Variants in CMTM7 observed in about 807,000 individuals in gnomAD.
CMTM7 encodes the protein CKLF like MARVEL transmembrane domain containing 7.
In CMTM7, 7 loss-of-function variants were observed where a neutral mutation model predicts 19.3. That is an observed-to-expected ratio of 0.36 (90% CI 0.21 to 0.68). The LOEUF (loss-of-function observed/expected upper bound fraction) is 0.68, where lower values mean the gene tolerates loss of function less well. Among genes scored for constraint, CMTM7 ranks in the 30% least tolerant of loss-of-function variants. The probability of loss-of-function intolerance (pLI) is 0.60; values close to 1 mark genes in which losing one functional copy is unlikely to be tolerated. For missense variants in CMTM7, 193 were observed against 232.6 expected (o/e 0.83, Z 1.11); for synonymous variants, 87 against 99.3 (o/e 0.88, Z 0.74).
chr3:32,452,411 C>T lies in CMTM7; in HGVS notation c.452C>T (p.Thr151Ile). 6.2e-7 allele frequency: 1 copy of T among 1,614,186 alleles called. No homozygotes were observed. Among genetic ancestry groups the T allele is most frequent in the Non-Finnish European group, 8.5e-7 (1 of 1,180,040 alleles). ...VAGAIFGFMA[T>I]FLCMASIWLS... ...CTGCAGATCTTTGGTTTCATGGCCA[C>T]CTTCCTCTGCATGGCAAGCATATGG... Residue 151 changes from threonine to isoleucine, a missense_variant, in exon 4 of 5, where the codon ACC becomes ATC. Transcript: ENST00000334983.
At chr3:32,393,235 G>A (rs1279010355) in intron 1 of CMTM7, among the ~76,000 whole-genome samples, 2 of 152,202 alleles carry the variant, frequency 1.3e-5, no homozygotes, top group East Asian at 3.9e-4. Flanking sequence ...GAGAAGGGGC[G>A]CTGAGTTCCT....
At chr3:32,407,667 A>AG (rs1048834177) in intron 1 of CMTM7, among the ~76,000 whole-genome samples, 1 of 152,160 alleles carries the variant, frequency 6.6e-6, no homozygotes, top group African/African-American at 2.4e-5. Flanking sequence ...AGGGTTCCTC[A>AG]GTGTCCCCAT....
At chr3:32,427,582 T>C (rs1036159930) in intron 1 of CMTM7, among the ~76,000 whole-genome samples, 4 of 152,330 alleles carry the variant, frequency 2.6e-5, no homozygotes, top group South Asian at 4.1e-4. Flanking sequence ...TTCAGTTCTT[T>C]GGTCACACTA....
intron 3 of CMTM7, among the ~76,000 whole-genome samples, chr3:32,450,433 A>G (rs1352468297): frequency 1.3e-5 from 2 of 152,214 alleles, no homozygotes; most frequent in Non-Finnish European, 2.9e-5. Context: ...CTCTCTCTGT[A>G]TGTGACATTC....
At chr3:32,393,904 C>T (rs1695877480) in intron 1 of CMTM7, among the ~76,000 whole-genome samples, 1 of 152,204 alleles carries the variant, frequency 6.6e-6, no homozygotes, top group South Asian at 2.1e-4. Flanking sequence ...CCTCAGCTAG[C>T]CTCTGGCCTG....
chr3:32,431,787 TAAAA>T (rs1696523682), intron 1 of CMTM7, among the ~76,000 whole-genome samples: 1 of 152,166 alleles, frequency 6.6e-6, no homozygotes, highest in African/African-American at 2.4e-5. Context: ...AGTTTCCACA[TAAAA>T]AGATGATAGT....
intron 1 of CMTM7, among the ~76,000 whole-genome samples, chr3:32,398,154 A>G (rs1439886637): frequency 1.3e-5 from 2 of 152,218 alleles, no homozygotes; most frequent in Non-Finnish European, 2.9e-5. Flanking sequence ...AATTATCTTA[A>G]TCTTCCCACC....
chr3:32,452,247 T>G, intron 3 of CMTM7, 145 bp from the exon 4 acceptor site: 1 of 1,546,464 alleles, frequency 6.5e-7, no homozygotes, highest in Admixed American at 1.9e-5. Context: ...TGATCCAGGA[T>G]GAGGTGGTTG....
At chr3:32,451,825 CT>C (rs1696837374) in intron 3 of CMTM7, 1 of 336,480 alleles carries the variant, frequency 3.0e-6, no homozygotes, top group African/African-American at 2.2e-5. Flanking sequence ...CTGGATGACC[CT>C]GAGAAAGGGA....
Position 32,424,283 on chromosome 3 carries a change from A to T in CMTM7, c.160-17557A>T, listed in dbSNP as rs536275665. Among the ~76,000 whole-genome samples the T allele has an allele frequency of 2.4e-4, 37 of 152,302 alleles. No homozygotes were observed. In the South Asian group the frequency reaches 6.8e-3, roughly 28 times the overall value. On this transcript the variant is annotated intron_variant, in intron 1 of 4. Coordinates refer to ENST00000334983, the MANE Select transcript of CMTM7 (RefSeq NM_138410.4). ...TGGTGCCAGGGTTCCTAGGGCGAGC[A>T]GCCTGAGAGTGCGGACCAGAAAGAA...
chr3:32,431,610 A>C (rs911136737), intron 1 of CMTM7, among the ~76,000 whole-genome samples: 3 of 152,162 alleles, frequency 2.0e-5, no homozygotes, highest in African/African-American at 7.2e-5. Flanking sequence ...CTGAAAACAG[A>C]GGCCAGAAGC....
chr3:32,393,943 A>G (rs1695877846), intron 1 of CMTM7, among the ~76,000 whole-genome samples: 1 of 152,192 alleles, frequency 6.6e-6, no homozygotes, highest in African/African-American at 2.4e-5. Flanking sequence ...GCAAGTGGCA[A>G]GAGTGGGGCC....
At chr3:32,419,018 A>G in intron 1 of CMTM7, among the ~76,000 whole-genome samples, 1 of 152,232 alleles carries the variant, frequency 6.6e-6, no homozygotes, top group East Asian at 1.9e-4. Flanking sequence ...AATTAATAAT[A>G]TCTATGAACA....
intron 1 of CMTM7, among the ~76,000 whole-genome samples, chr3:32,411,649 G>A (rs1451094672): frequency 1.3e-5 from 2 of 152,200 alleles, no homozygotes; most frequent in Non-Finnish European, 2.9e-5. Flanking sequence ...TGGGGGTCAA[G>A]GTGCTCTACT....
chr3:32,397,217 T>A (rs1695931518), intron 1 of CMTM7, among the ~76,000 whole-genome samples: 1 of 152,184 alleles, frequency 6.6e-6, no homozygotes, highest in African/African-American at 2.4e-5. Context: ...AATGCTTGCT[T>A]ATATAGGTTA....
In CMTM7 at chr3:32,454,671, T is replaced by C. The variant is rs1696884322; in HGVS notation, c.*417T>C. 2.8e-6 allele frequency: 1 copy of C among 361,758 alleles called. No homozygotes were observed. The highest frequency in any genetic ancestry group is 5.4e-6 in the Non-Finnish European group (1 of 184,054). The allele number at this position is 361,758 out of a possible 1,614,324, so 22.4% of individuals were successfully genotyped here. On this transcript the variant is annotated 3_prime_UTR_variant, in exon 5 of 5. Transcript: ENST00000334983. ...AAGCCCTGTCCTAATTTATCTAGCTTGTCAGTCCGGTCTTAGAGATACCCT... is the reference window on the plus strand; with the variant it reads ...AAGCCCTGTCCTAATTTATCTAGCTCGTCAGTCCGGTCTTAGAGATACCCT...
At chr3:32,438,110 C>A (rs909284008) in intron 1 of CMTM7, among the ~76,000 whole-genome samples, 7 of 152,166 alleles carry the variant, frequency 4.6e-5, no homozygotes, top group Non-Finnish European at 1.0e-4. Context: ...GAAGTCAGAA[C>A]CCCTACCTCC....
intron 1 of CMTM7, among the ~76,000 whole-genome samples, chr3:32,403,356 G>A (rs932546075): frequency 6.6e-6 from 1 of 152,046 alleles, no homozygotes; most frequent in Non-Finnish European, 1.5e-5. Context: ...TAACAATTGG[G>A]GCTACAGGTG....
intron 1 of CMTM7, among the ~76,000 whole-genome samples, chr3:32,416,075 G>T (rs1250966073): frequency 6.6e-6 from 1 of 152,188 alleles, no homozygotes; most frequent in Non-Finnish European, 1.5e-5. Context: ...TACATGGGTA[G>T]GTAATCTTGG....
Sources: gnomAD v4.1 joint callset for allele counts (sites outside exome capture counted in the v4.1 genomes callset) on GRCh38, gnomAD v4.1.1 for gene constraint, MANE v1.5 for transcripts, NCBI Gene and HGNC (gene_info 2026-07-23, HGNC 2026-07-21) for gene names.